UBA6: variants seen among roughly 807,000 people sequenced by gnomAD.
UBA6 encodes the protein ubiquitin like modifier activating enzyme 6, also known as ubiquitin-like modifier-activating enzyme 6.
UBA6 carries 87 observed loss-of-function variants against 148.3 expected under a neutral mutation model. The observed-to-expected ratio is 0.59, with a 90% CI of 0.49 to 0.70. The LOEUF (loss-of-function observed/expected upper bound fraction) is 0.70, where lower values mean the gene tolerates loss of function less well. Ranked by LOEUF, UBA6 falls within the 30% of genes least tolerant of loss-of-function variation. The pLI is 0.00. For missense variants in UBA6, 1,186 were observed against 1,241.2 expected (o/e 0.96, Z 0.67); for synonymous variants, 376 against 401.0 (o/e 0.94, Z 0.75).
chr4:67,617,620 A>G lies in UBA6; in HGVS notation c.*1377T>C, dbSNP rs187114353. 15 of 152,264 alleles carry G rather than the reference A, an allele frequency of 9.9e-5. No homozygotes were observed. The East Asian group carries it at 2.7e-3, about 27-fold the overall frequency. 9.4% of individuals were successfully genotyped at this position (152,264 alleles called of 1,614,324 possible). A position where few individuals can be genotyped will look rare whatever the true frequency, so the allele number is the denominator to read the frequency against. On this transcript the variant is annotated 3_prime_UTR_variant, in exon 33 of 33. Transcript: ENST00000322244. ...GCTGGTTGATAAAGTAATTTAAACT[A>G]TTTGTAAATGAAATAAAAAGAAAGT...
intron 2 of UBA6, among the ~76,000 whole-genome samples, chr4:67,688,450 C>A (rs566117158): frequency 7.9e-5 from 12 of 151,980 alleles, no homozygotes; most frequent in African/African-American, 2.9e-4. Flanking sequence ...CTCAGAATAC[C>A]ATCAGAGGTA....
chr4:67,643,308 G>A (rs942519181), intron 17 of UBA6, among the ~76,000 whole-genome samples: 7 of 151,852 alleles, frequency 4.6e-5, no homozygotes, highest in African/African-American at 1.7e-4. Context: ...TTCTTGTGGT[G>A]GTTCCCTTTC....
chr4:67,670,654 TTAG>T, intron 7 of UBA6, 62 bp from the exon 8 acceptor site: 1 of 1,242,050 alleles, frequency 8.1e-7, no homozygotes. Flanking sequence ...CTCTAGTATC[TTAG>T]GCCATTTCAT....
At chr4:67,698,542 T>C (rs1174339003) in intron 1 of UBA6, among the ~76,000 whole-genome samples, 5 of 152,180 alleles carry the variant, frequency 3.3e-5, no homozygotes, top group African/African-American at 1.2e-4. Context: ...ACTTAAAATT[T>C]GCCCAAAGTC....
intron 27 of UBA6, among the ~76,000 whole-genome samples, chr4:67,628,151 T>C (rs1038696675): frequency 6.6e-6 from 1 of 151,744 alleles, no homozygotes; most frequent in Non-Finnish European, 1.5e-5. Flanking sequence ...TACTACATCT[T>C]TTAATTAAGT....
rs1728690723 is a variant in UBA6, at chr4:67,619,005, T to C, written c.3151A>G (p.Thr1051Ala). The change falls in exon 33 of 33, where the codon ACT (threonine) becomes GCT (alanine). Residue 1051 changes from threonine to alanine, a missense_variant. Coordinates refer to ENST00000322244, the MANE Select transcript of UBA6 (RefSeq NM_018227.6). ...PPVRYYFSHD[T>A]D ...CGTTAAGACAACTTGTATTAATCAG[T>C]GTCATGACTGAAGTAGTATCTTACT... is the stretch of plus-strand genomic sequence containing the variant. 1 of 1,613,782 alleles carries C rather than the reference T, an allele frequency of 6.2e-7. No homozygotes were observed. Among genetic ancestry groups the C allele is most frequent in the Non-Finnish European group, 8.5e-7 (1 of 1,179,874 alleles).
At chr4:67,650,034 C>T (rs2109920730) in intron 13 of UBA6, among the ~76,000 whole-genome samples, 1 of 152,172 alleles carries the variant, frequency 6.6e-6, no homozygotes, top group African/African-American at 2.4e-5. Flanking sequence ...ACTTACTATT[C>T]CACCCCTCCA....
chr4:67,660,942 T>G (rs1229901705), intron 13 of UBA6, among the ~76,000 whole-genome samples: 1 of 152,168 alleles, frequency 6.6e-6, no homozygotes, highest in East Asian at 1.9e-4. Context: ...GAAGATCATT[T>G]TGGAACCTTA....
chr4:67,686,388 G>C (rs2109954503), intron 2 of UBA6, among the ~76,000 whole-genome samples: 1 of 152,078 alleles, frequency 6.6e-6, no homozygotes, highest in East Asian at 1.9e-4. Context: ...CTTTCTTCTG[G>C]ACACACTTCA....
intron 3 of UBA6, 116 bp downstream of exon 3, chr4:67,682,003 A>G: frequency 1.3e-6 from 1 of 746,586 alleles, no homozygotes. Context: ...ACTCAATCTG[A>G]TCAACATTTT....
chr4:67,663,259 G>C (rs369430444), intron 11 of UBA6, 44 bp from the exon 12 acceptor site: 2 of 1,356,374 alleles, frequency 1.5e-6, no homozygotes, highest in Admixed American at 1.9e-5. Context: ...CTGAGTGGTT[G>C]TATGTCCCAG....
rs997348133 is a variant in UBA6 at position 67,678,320 on chromosome 4, G to T, written c.353+119C>A. ...ATAATACATAAAAATATCTTTACCTGTATAAAGTAGAGCACTTTATATTTA... is the reference window on the plus strand; with the variant it reads ...ATAATACATAAAAATATCTTTACCTTTATAAAGTAGAGCACTTTATATTTA... On this transcript the variant is annotated intron_variant, in intron 5 of 32. Coordinates refer to ENST00000322244, the MANE Select transcript of UBA6 (RefSeq NM_018227.6). 4 of 504,752 alleles carry T rather than the reference G, an allele frequency of 7.9e-6. No homozygotes were observed. In the East Asian group the frequency reaches 1.4e-4, roughly 17 times the overall value. The allele number at this position is 504,752 out of a possible 1,614,324, so 31.3% of individuals were successfully genotyped here. A position where few individuals can be genotyped will look rare whatever the true frequency, so the allele number is the denominator to read the frequency against.
intron 13 of UBA6, among the ~76,000 whole-genome samples, chr4:67,649,909 G>A (rs776914121): frequency 4.1e-4 from 63 of 151,992 alleles, no homozygotes; most frequent in Non-Finnish European, 2.9e-4. Context: ...CTTCAAGTTT[G>A]CCTAATTAAT....
At chr4:67,674,090 C>T (rs1039563963) in intron 6 of UBA6, among the ~76,000 whole-genome samples, 15 of 152,310 alleles carry the variant, frequency 9.8e-5, no homozygotes, top group South Asian at 2.1e-4. Context: ...TTTGTTTCAT[C>T]TATTACTATC....
intron 9 of UBA6, 62 bp from the exon 10 acceptor site, chr4:67,665,354 T>C: frequency 9.9e-7 from 1 of 1,015,170 alleles, no homozygotes; most frequent in Non-Finnish European, 1.5e-6. Flanking sequence ...ATTTCAACTC[T>C]TATTGTCATA....
chr4:67,681,735 T>C, intron 3 of UBA6, 144 bp from the exon 4 acceptor site: 2 of 594,398 alleles, frequency 3.4e-6, no homozygotes, highest in Middle Eastern at 3.5e-4. Context: ...TTAAAAAAGT[T>C]ACAAAATACA....
In UBA6 at chr4:67,634,422, CT is replaced by C. The variant is rs1729086008; in HGVS notation, c.1932+6del. 2 of 1,572,272 alleles carry C rather than the reference CT, an allele frequency of 1.3e-6. No individual in the cohort carries two copies. Among genetic ancestry groups the C allele is most frequent in the African/African-American group, 2.8e-5 (2 of 72,462 alleles). On this transcript the variant is annotated splice_donor_region_variant and intron_variant, in intron 21 of 32. Coordinates refer to ENST00000322244, the MANE Select transcript of UBA6 (RefSeq NM_018227.6). The stretch of plus-strand genomic sequence containing the variant: ...CAAAGAAAATAAATTTAAAAAGGAA[CT>C]TTTACCTTATCTCTTGCCCACTGTA...
chr4:67,652,221 T>C (rs1729569239), intron 13 of UBA6, among the ~76,000 whole-genome samples: 1 of 152,062 alleles, frequency 6.6e-6, no homozygotes, highest in African/African-American at 2.4e-5. Context: ...TCCAAATATA[T>C]AAAGACATAT....
At chr4:67,695,101 AG>A (rs1190370003) in intron 2 of UBA6, among the ~76,000 whole-genome samples, 1 of 152,240 alleles carries the variant, frequency 6.6e-6, no homozygotes, top group Non-Finnish European at 1.5e-5. Flanking sequence ...ACATTAAAAA[AG>A]TTTCACAAGG....
Sources: gnomAD v4.1 joint callset for allele counts (sites outside exome capture counted in the v4.1 genomes callset) on GRCh38, gnomAD v4.1.1 for gene constraint, MANE v1.5 for transcripts, NCBI Gene and HGNC (gene_info 2026-07-23, HGNC 2026-07-21) for gene names.